DAAM2: variants seen among roughly 807,000 people sequenced by gnomAD.
DAAM2 encodes the protein dishevelled associated activator of morphogenesis 2.
In DAAM2, 39 loss-of-function variants were observed where a neutral mutation model predicts 120.7. The observed-to-expected ratio is 0.32, with a 90% CI of 0.25 to 0.42. The LOEUF is 0.42. DAAM2 is among the 10% of genes least tolerant of loss of function. DAAM2 has a pLI of 1.00. For missense variants in DAAM2, 1,283 were observed against 1,401.7 expected (o/e 0.92, Z 1.35); for synonymous variants, 488 against 524.9 (o/e 0.93, Z 0.96).
Position 39,901,531 on chromosome 6 carries a change from C to A in DAAM2, c.2982+59C>A, listed in dbSNP as rs1766484158. 11 of 1,539,524 alleles carry A rather than the reference C, an allele frequency of 7.1e-6. No individual in the cohort carries two copies. The highest frequency in any genetic ancestry group is 8.8e-6 in the Non-Finnish European group (10 of 1,141,780). On this transcript the variant is annotated intron_variant, in intron 24 of 24. Transcript: ENST00000274867. The surrounding 1 kb of genome is among the most constrained non-coding windows in gnomAD (Gnocchi z 4.5). ...AGACGGGTGCTACTTGGGGAGAACA[C>A]CCCCAAACTGGGGTGTGTGGGAGGA...
chr6:39,815,651 TACACACAC>T (rs56736428), intron 1 of DAAM2, among the ~76,000 whole-genome samples: 71,730 of 148,958 alleles, frequency 0.48, 17,346 homozygotes, highest in East Asian at 0.58. Context: ...ACCCCTGGTT[TACACACAC>T]ACACACACAC....
Position 39,811,757 on chromosome 6 carries a change from G to A in DAAM2, c.-57+19292G>A, listed in dbSNP as rs575714672. Among the ~76,000 whole-genome samples the A allele has an allele frequency of 9.2e-5, 14 of 152,276 alleles. No homozygotes were observed. In the South Asian group the frequency reaches 2.9e-3, roughly 32 times the overall value. On this transcript the variant is annotated intron_variant, in intron 1 of 24. Transcript: ENST00000274867. The stretch of plus-strand genomic sequence containing the variant: ...GTTTGCCCAGGTTACTAGAGCTCTT[G>A]GCAGGGGATGTTGGCGGGGGGATCT...
At position 39,882,713 on chromosome 6, in the gene DAAM2, ACACACG is replaced by A. The variant is rs796262105; in HGVS notation, c.1846-1243_1846-1238del. Among the ~76,000 whole-genome samples, 40 of 21,796 alleles carry A rather than the reference ACACACG, an allele frequency of 1.8e-3. 1 individual carries two copies. In the South Asian group the frequency reaches 0.022, roughly 12 times the overall value. The allele number at this position is 21,796 out of a possible 152,430, so 14.3% of individuals were successfully genotyped here. On this transcript the variant is annotated intron_variant, in intron 14 of 24. Coordinates refer to ENST00000274867, the MANE Select transcript of DAAM2 (RefSeq NM_001201427.2). ...TGTGCTTCTGTGAGCGCACACACAC[ACACACG>A]CACACACACACACATACACACACTC...
At chr6:39,853,320 A>G (rs1380573068) in intron 1 of DAAM2, among the ~76,000 whole-genome samples, 1 of 152,172 alleles carries the variant, frequency 6.6e-6, no homozygotes, top group African/African-American at 2.4e-5. Context: ...TTGGGAGGGC[A>G]TTGTCCTCAG....
chr6:39,808,640 T>C (rs1041081758), intron 1 of DAAM2, among the ~76,000 whole-genome samples: 3 of 152,252 alleles, frequency 2.0e-5, no homozygotes, highest in Non-Finnish European at 4.4e-5. Context: ...TCCCTTACTT[T>C]TTATGATAGC....
rs566019686 is a variant in DAAM2 at position 39,798,194 on chromosome 6, A to C, written c.-57+5729A>C. ...GGTTGTTAAGAATATGGGTTCTAGA[A>C]TCAGATAAACCTATGTATGATTCCT... On this transcript the variant is annotated intron_variant, in intron 1 of 24. Transcript: ENST00000274867. 6.6e-5 allele frequency among the ~76,000 whole-genome samples: 10 copies of C among 152,358 alleles called. No individual in the cohort carries two copies. In the South Asian group the frequency reaches 1.7e-3, roughly 25 times the overall value.
chr6:39,800,764 G>A lies in DAAM2; in HGVS notation c.-57+8299G>A, dbSNP rs936118675. On this transcript the variant is annotated intron_variant, in intron 1 of 24. Coordinates refer to ENST00000274867, the MANE Select transcript of DAAM2 (RefSeq NM_001201427.2). ...TGCCGCAATGTGGGACAATTCTAAC[G>A]GGCGTGCCAGCTTCAGGGCTCCCTG... Among the ~76,000 whole-genome samples, 16 of 152,200 alleles carry A rather than the reference G, an allele frequency of 1.1e-4. 1 individual carries two copies. The highest frequency in any genetic ancestry group is 7.2e-4 in the Admixed American group (11 of 15,284).
chr6:39,813,588 A>G (rs1353561077), intron 1 of DAAM2, among the ~76,000 whole-genome samples: 1 of 152,238 alleles, frequency 6.6e-6, no homozygotes, highest in Non-Finnish European at 1.5e-5. Flanking sequence ...CTCCTTTATT[A>G]TAAAAGAAAC....
At chr6:39,865,222 C>G in intron 5 of DAAM2, 148 bp downstream of exon 5, 1 of 632,712 alleles carries the variant, frequency 1.6e-6, no homozygotes, top group South Asian at 1.9e-5. Context: ...GCCCCTACTC[C>G]TCTCCTGGGA....
chr6:39,861,239 G>T (rs770631390), intron 3 of DAAM2: 20 of 608,070 alleles, frequency 3.3e-5, no homozygotes, highest in Non-Finnish European at 5.5e-5. Context: ...CTTAAAGCAG[G>T]ACCTGCTGCA....
intron 19 of DAAM2, among the ~76,000 whole-genome samples, chr6:39,896,543 G>A (rs938678424): frequency 1.3e-5 from 2 of 152,154 alleles, no homozygotes; most frequent in Non-Finnish European, 2.9e-5. Context: ...AAGATCTTCT[G>A]AAATTGTCTT....
intron 17 of DAAM2, among the ~76,000 whole-genome samples, chr6:39,890,037 A>T (rs976480741): frequency 1.3e-5 from 2 of 152,170 alleles, no homozygotes; most frequent in African/African-American, 4.8e-5. Context: ...CTGAGGCAGG[A>T]GAATCACTTG....
At chr6:39,840,799 C>T (rs1010446844) in intron 1 of DAAM2, among the ~76,000 whole-genome samples, 2 of 152,106 alleles carry the variant, frequency 1.3e-5, no homozygotes, top group African/African-American at 4.8e-5. Context: ...CGACACTGTC[C>T]CTGACCTAAG....
chr6:39,878,072 A>G lies in DAAM2; in HGVS notation c.1302-131A>G. 1 of 870,948 alleles carries G rather than the reference A, an allele frequency of 1.1e-6. No individual in the cohort carries two copies. The highest frequency in any genetic ancestry group is 1.8e-6 in the Non-Finnish European group (1 of 559,818). The allele number at this position is 870,948 out of a possible 1,614,324, so 54.0% of individuals were successfully genotyped here. Reference sequence around the variant, plus strand: ...GAGACACCTGGGAAGTCTAAATCCTAGCCCCCTTGATGTGGCTGGACAGAT... The same window carrying G: ...GAGACACCTGGGAAGTCTAAATCCTGGCCCCCTTGATGTGGCTGGACAGAT... On this transcript the variant is annotated intron_variant, in intron 11 of 24. Transcript: ENST00000274867. The surrounding 1 kb of genome is among the most constrained non-coding windows in gnomAD (Gnocchi z 5.0).
chr6:39,811,904 C>A (rs1353982750), intron 1 of DAAM2, among the ~76,000 whole-genome samples: 1 of 152,164 alleles, frequency 6.6e-6, no homozygotes, highest in Non-Finnish European at 1.5e-5. Flanking sequence ...AGTCCCCTTC[C>A]TGATAATTGA....
At chr6:39,870,146 C>A (rs1484618825) in intron 7 of DAAM2, among the ~76,000 whole-genome samples, 194 bp from the exon 8 acceptor site, 1 of 152,108 alleles carries the variant, frequency 6.6e-6, no homozygotes, top group Non-Finnish European at 1.5e-5. Flanking sequence ...AGAAGCTGGG[C>A]AGTGGGTTTG....
At chr6:39,851,529 G>T (rs1359470473) in intron 1 of DAAM2, among the ~76,000 whole-genome samples, 1 of 152,198 alleles carries the variant, frequency 6.6e-6, no homozygotes, top group Non-Finnish European at 1.5e-5. Context: ...AAGACTGAGG[G>T]ATAAACACTG....
Position 39,848,575 on chromosome 6 carries a change from C to A in DAAM2, c.-56-7672C>A, listed in dbSNP as rs187870855. 2.3e-3 allele frequency: 357 copies of A among 152,288 alleles called. 2 individuals carry two copies. The highest frequency in any genetic ancestry group is 1.4e-3 in the Non-Finnish European group (95 of 68,028). 9.4% of individuals were successfully genotyped at this position (152,288 alleles called of 1,614,324 possible). A position where few individuals can be genotyped will look rare whatever the true frequency, so the allele number is the denominator to read the frequency against. On this transcript the variant is annotated intron_variant, in intron 1 of 24. Transcript: ENST00000274867. ...TTCTCTCCTTCCTCTTCTCGGGTCT[C>A]AGCGATGCCCCCTGTGTCTCCCACC...
chr6:39,872,426 A>G (rs1764699656), intron 9 of DAAM2, among the ~76,000 whole-genome samples: 2 of 152,294 alleles, frequency 1.3e-5, no homozygotes, highest in East Asian at 3.9e-4. Flanking sequence ...AAGTTATTGC[A>G]TGTGATTAGT....
Sources: allele counts gnomAD v4.1 joint callset (sites outside exome capture counted in the v4.1 genomes callset), GRCh38; gene constraint gnomAD v4.1.1; non-coding constraint Gnocchi (gnomAD v3.1); transcripts MANE v1.5; gene names NCBI Gene and HGNC (gene_info 2026-07-23, HGNC 2026-07-21).